MED23: variants seen among roughly 807,000 people sequenced by gnomAD.
The protein encoded by MED23 is mediator of RNA polymerase II transcription subunit 23.
MED23 carries 105 observed loss-of-function variants against 163.9 expected under a neutral mutation model. That is an observed-to-expected ratio of 0.64 (90% CI 0.55 to 0.75). The LOEUF (loss-of-function observed/expected upper bound fraction) is 0.75, where lower values mean the gene tolerates loss of function less well. Ranked by LOEUF, MED23 falls within the 30% of genes least tolerant of loss-of-function variation. The pLI is 0.00. For synonymous variants in MED23, 561 were observed against 565.6 expected (o/e 0.99, Z 0.12); for missense variants, 1,054 against 1,649.0 (o/e 0.64, Z 6.25).
chr6:131,591,629 T>G (rs1442769683), intron 25 of MED23, 102 bp from the exon 26 acceptor site: 1 of 941,982 alleles, frequency 1.1e-6, no homozygotes, highest in African/African-American at 1.6e-5. Context: ...GTTTTCTATT[T>G]TTCCAGCTTC....
At position 131,581,317 on chromosome 6, in the gene MED23, C is replaced by T. The variant is rs1451472748; in HGVS notation, c.4095+6392G>A. The T allele has an allele frequency of 3.7e-6, 6 of 1,613,878 alleles. No individual in the cohort carries two copies. The highest frequency in any genetic ancestry group is 1.7e-5 in the Admixed American group (1 of 59,998). On this transcript the variant is annotated intron_variant, in intron 30 of 30. Transcript: ENST00000354577. ...ACTGATATCAACACTCCACTGACAA[C>T]CACAAGTGGAAACTTGCATGGACAA... is the stretch of plus-strand genomic sequence containing the variant.
intron 27 of MED23, among the ~76,000 whole-genome samples, 170 bp downstream of exon 27, chr6:131,590,152 C>A (rs981723193): frequency 6.6e-6 from 1 of 152,200 alleles, no homozygotes; most frequent in African/African-American, 2.4e-5. Flanking sequence ...ATACATCCCA[C>A]CCTAAATTCA....
rs146983294 is a variant in MED23, at chr6:131,590,935, T to A, written c.3686+378A>T. ...CCCAGCCGCAAGTTGTTCTAATGAATGAAGTATATACCTCATCTGTTAATG... is the reference window on the plus strand; with the variant it reads ...CCCAGCCGCAAGTTGTTCTAATGAAAGAAGTATATACCTCATCTGTTAATG... On this transcript the variant is annotated intron_variant, in intron 26 of 28. Coordinates refer to ENST00000368068, the MANE Select transcript of MED23 (RefSeq NM_004830.4). Among the ~76,000 whole-genome samples, 291 of 146,064 alleles carry A rather than the reference T, an allele frequency of 2.0e-3. 1 individual carries two copies. The highest frequency in any genetic ancestry group is 6.9e-3 in the African/African-American group (272 of 39,588).
intron 4 of MED23, 145 bp downstream of exon 4, chr6:131,624,720 A>T (rs1777356695): frequency 2.3e-6 from 2 of 879,436 alleles, no homozygotes; most frequent in Non-Finnish European, 3.5e-6. Context: ...TAGAAACTAA[A>T]ACCTGAGGTA....
chr6:131,619,935 T>C (rs1289129399), intron 7 of MED23, 39 bp from the exon 8 acceptor site: 6 of 1,355,966 alleles, frequency 4.4e-6, no homozygotes, highest in Non-Finnish European at 6.3e-6. Context: ...AATAAATACG[T>C]ACAAAAGGAA....
chr6:131,577,141 G>A lies in MED23; in HGVS notation c.4096-2846C>T, dbSNP rs144604179. Reference sequence around the variant, plus strand: ...AATGATAATAACAACAGCGCCTAGTGTGGGCGCAGTGTGTATATATACATA... The same window carrying A: ...AATGATAATAACAACAGCGCCTAGTATGGGCGCAGTGTGTATATATACATA... On this transcript the variant is annotated intron_variant, in intron 30 of 30. Transcript: ENST00000354577. 4.9e-4 allele frequency among the ~76,000 whole-genome samples: 74 copies of A among 152,314 alleles called. 2 individuals carry two copies. The highest frequency in any genetic ancestry group is 1.7e-3 in the African/African-American group (71 of 41,576).
chr6:131,627,071 G>T (rs1039655661), intron 3 of MED23: 9 of 237,314 alleles, frequency 3.8e-5, no homozygotes, highest in Non-Finnish European at 7.3e-5. Flanking sequence ...TCCTTGACAA[G>T]TAAAGCTTAA....
chr6:131,614,103 AC>A (rs1776477995), intron 10 of MED23, among the ~76,000 whole-genome samples: 1 of 152,206 alleles, frequency 6.6e-6, no homozygotes. Flanking sequence ...AGAATTAATG[AC>A]TTGGTATTTA....
chr6:131,595,641 G>A (rs2114615648), intron 22 of MED23, among the ~76,000 whole-genome samples: 1 of 152,124 alleles, frequency 6.6e-6, no homozygotes, highest in South Asian at 2.1e-4. Flanking sequence ...TGCCTCGTGT[G>A]CTATATTTTC....
chr6:131,627,637 T>A lies in MED23; in HGVS notation c.71+4A>T. 1 of 1,603,448 alleles carries A rather than the reference T, an allele frequency of 6.2e-7. No homozygotes were observed. ...ACACAAAACTCTGCCACGCATACAC[T>A]CACCCAGGAAAAGCCTCTTCTATAA... On this transcript the variant is annotated splice_donor_region_variant and intron_variant, in intron 2 of 28. Transcript: ENST00000368068.
In MED23 at chr6:131,592,449, A is replaced by T. The variant is rs758932839; in HGVS notation, c.3410T>A (p.Val1137Glu). ...CCATGCTGTAATGTTCTCTCTTGGC[A>T]CTAAAGGCTGACTGCAACCGGCAAA... ...LNVVLKSQPL[V>E]PRENITAWMN... Residue 1137 changes from valine to glutamate, a missense_variant, in exon 25 of 29, where the codon GTG becomes GAG. Coordinates refer to ENST00000368068, the MANE Select transcript of MED23 (RefSeq NM_004830.4). 48 of 1,613,918 alleles carry T rather than the reference A, an allele frequency of 3.0e-5. No homozygotes were observed. The highest frequency in any genetic ancestry group is 1.5e-4 in the Admixed American group (9 of 59,998).
intron 3 of MED23, 29 bp from the exon 4 acceptor site, chr6:131,625,018 G>T: frequency 6.2e-7 from 1 of 1,610,986 alleles, no homozygotes; most frequent in South Asian, 1.1e-5. Flanking sequence ...ATTTTACTTG[G>T]GGTCTAAAGT....
rs1386754933 is a variant in MED23, at chr6:131,596,088, G to A, written c.2854C>T (p.Leu952=). ...CACACATTCCCAAAATAGATGGGCA[G>A]ATAGGGAGACTGGATCTGTACAGGA... ...DPPVQIQSPY[L]PIYFGNVCLR... is the part of the protein sequence containing the mutation. Residue 952 remains leucine (L), a synonymous_variant, in exon 22 of 29, where the codon CTG becomes TTG. Coordinates refer to ENST00000368068, the MANE Select transcript of MED23 (RefSeq NM_004830.4). 1 of 1,614,152 alleles carries A rather than the reference G, an allele frequency of 6.2e-7. No homozygotes were observed. The highest frequency in any genetic ancestry group is 8.5e-7 in the Non-Finnish European group (1 of 1,179,990).
chr6:131,584,263 G>C (rs553833088), downstream of MED23: 31 of 272,284 alleles, frequency 1.1e-4, no homozygotes, highest in African/African-American at 6.6e-4. Context: ...ACCACATGTG[G>C]AAAGGTACTA....
At chr6:131,615,470 A>G (rs527745117) in intron 10 of MED23, 2 of 506,256 alleles carry the variant, frequency 4.0e-6, no homozygotes, top group Non-Finnish European at 3.6e-6. Context: ...ACCCTCCCAC[A>G]TGTTAAACCA....
chr6:131,597,499 A>AG (rs1775152936), intron 20 of MED23, among the ~76,000 whole-genome samples: 7 of 146,126 alleles, frequency 4.8e-5, no homozygotes, highest in African/African-American at 1.8e-4. Context: ...AAAAAAAAAG[A>AG]AAAAAAAAAT....
chr6:131,608,429 T>TA (rs1776017431), intron 11 of MED23, among the ~76,000 whole-genome samples: 1 of 152,138 alleles, frequency 6.6e-6, no homozygotes, highest in African/African-American at 2.4e-5. Flanking sequence ...ATTCTTATTT[T>TA]AAAAATCTCA....
downstream of MED23, chr6:131,582,699 G>A (rs771753283): frequency 3.7e-6 from 6 of 1,613,550 alleles, no homozygotes; most frequent in Non-Finnish European, 5.1e-6. Flanking sequence ...CTTGAGAGAC[G>A]TGGACCCTGG....
chr6:131,579,211 C>G, intron 30 of MED23: 3 of 1,614,046 alleles, frequency 1.9e-6, no homozygotes, highest in South Asian at 2.2e-5. Flanking sequence ...GAAAAGCAAG[C>G]GAGCAGCTGG....
Sources: gnomAD v4.1 joint callset for allele counts (sites outside exome capture counted in the v4.1 genomes callset) on GRCh38, gnomAD v4.1.1 for gene constraint, MANE v1.5 for transcripts, NCBI Gene and HGNC (gene_info 2026-07-23, HGNC 2026-07-21) for gene names.